Variants in ATRNL1 observed in about 807,000 individuals in gnomAD.
ATRNL1 encodes the protein attractin-like protein 1.
Under a neutral mutation model 182.7 loss-of-function variants are expected in ATRNL1, and 95 were observed. The ratio of observed to expected loss-of-function variants is 0.52; its 90% CI spans 0.44 to 0.62. ATRNL1 has a LOEUF of 0.62. Ranked by LOEUF, ATRNL1 falls within the 20% of genes least tolerant of loss-of-function variation. The pLI is 0.00. For missense variants in ATRNL1, 1,471 were observed against 1,679.5 expected (o/e 0.88, Z 2.17); for synonymous variants, 576 against 568.3 (o/e 1.01, Z -0.19).
rs140388664 is a variant in ATRNL1 at position 115,230,679 on chromosome 10, G to A, written c.1533-10892G>A. Among the ~76,000 whole-genome samples the A allele has an allele frequency of 5.3e-3, 806 of 152,194 alleles. 3 individuals carry two copies. The highest frequency in any genetic ancestry group is 0.028 in the South Asian group (134 of 4,808). On this transcript the variant is annotated intron_variant, in intron 9 of 28. Coordinates refer to ENST00000355044, the MANE Select transcript of ATRNL1 (RefSeq NM_207303.4). ...CTTAGATTTTTACAGGAGCGGTGTT[G>A]TAATTACGATGCAAGAGCAGAAGCA... is the stretch of plus-strand genomic sequence containing the variant.
At chr10:115,293,415 A>G (rs551353193) in intron 15 of ATRNL1, among the ~76,000 whole-genome samples, 1 of 152,150 alleles carries the variant, frequency 6.6e-6, no homozygotes, top group East Asian at 1.9e-4. Context: ...GTTTTCATAC[A>G]TCTTTTCTTC....
At position 115,635,111 on chromosome 10, in the gene ATRNL1, CATT is replaced by C. The variant is rs564399953; in HGVS notation, c.3795+85577_3795+85579del. On this transcript the variant is annotated intron_variant, in intron 26 of 28. Coordinates refer to ENST00000355044, the MANE Select transcript of ATRNL1 (RefSeq NM_207303.4). ...GTTTTCTAAATGAGACTTTTCAAAT[CATT>C]AATCATAAAAGAATAAAACTAATAA... Among the ~76,000 whole-genome samples, 19 of 152,098 alleles carry C rather than the reference CATT, an allele frequency of 1.2e-4. No homozygotes were observed. The East Asian group carries it at 3.7e-3, about 29-fold the overall frequency.
At chr10:115,726,089 A>G (rs1435803565) in intron 26 of ATRNL1, among the ~76,000 whole-genome samples, 1 of 152,102 alleles carries the variant, frequency 6.6e-6, no homozygotes, top group Non-Finnish European at 1.5e-5. Flanking sequence ...TTTAAATAAT[A>G]AACTGTCATG....
At position 115,357,834 on chromosome 10, in the gene ATRNL1, T is replaced by A. The variant is rs1856567776; in HGVS notation, c.3175+23415T>A. Among the ~76,000 whole-genome samples, 7 of 151,860 alleles carry A rather than the reference T, an allele frequency of 4.6e-5. No individual in the cohort carries two copies. The South Asian group carries it at 1.4e-3, about 31-fold the overall frequency. ...CTGCTGAACATTTCCAAAGTCCCAC[T>A]ACTATACAAATTAATTAGTTAAGAA... On this transcript the variant is annotated intron_variant, in intron 19 of 28. Coordinates refer to ENST00000355044, the MANE Select transcript of ATRNL1 (RefSeq NM_207303.4).
chr10:115,294,570 T>G (rs1431547549), intron 15 of ATRNL1, among the ~76,000 whole-genome samples: 1 of 152,250 alleles, frequency 6.6e-6, no homozygotes, highest in Non-Finnish European at 1.5e-5. Context: ...TGAATTTTCT[T>G]TCTGATATTT....
chr10:115,346,806 A>G (rs78879077), intron 19 of ATRNL1, among the ~76,000 whole-genome samples: 1,796 of 152,082 alleles, frequency 0.012, 30 homozygotes, highest in African/African-American at 0.041. Flanking sequence ...TATGATTTGT[A>G]TTTTCCACCA....
intron 27 of ATRNL1, among the ~76,000 whole-genome samples, chr10:115,815,415 A>ATGTG (rs367551845): frequency 0.39 from 55,760 of 142,698 alleles, 10,909 homozygotes; most frequent in Non-Finnish European, 0.42. Flanking sequence ...GTGTGTGTGT[A>ATGTG]TGTGTGTGTG....
At chr10:115,691,786 T>A (rs1265320569) in intron 26 of ATRNL1, among the ~76,000 whole-genome samples, 1 of 152,202 alleles carries the variant, frequency 6.6e-6, no homozygotes, top group Admixed American at 6.5e-5. Context: ...AAATTTTGGG[T>A]TTTTTTCTTA....
intron 19 of ATRNL1, among the ~76,000 whole-genome samples, chr10:115,344,240 G>C (rs1241042169): frequency 6.6e-6 from 1 of 152,168 alleles, no homozygotes; most frequent in Admixed American, 6.5e-5. Context: ...CAGGCCCCTG[G>C]TGGGTCCAGA....
intron 27 of ATRNL1, among the ~76,000 whole-genome samples, chr10:115,839,234 A>G (rs75865208): frequency 0.046 from 6,998 of 152,220 alleles, 208 homozygotes; most frequent in Middle Eastern, 0.082. Flanking sequence ...CAAGTTTCTA[A>G]TAGAGAGAGG....
chr10:115,180,925 C>T (rs1391388121), intron 8 of ATRNL1, among the ~76,000 whole-genome samples: 1 of 151,884 alleles, frequency 6.6e-6, no homozygotes, highest in Admixed American at 6.6e-5. Context: ...TCTGTTGACT[C>T]TGTTGTCACT....
At chr10:115,478,132 G>A (rs1162857614) in intron 24 of ATRNL1, among the ~76,000 whole-genome samples, 1 of 151,614 alleles carries the variant, frequency 6.6e-6, no homozygotes, top group African/African-American at 2.4e-5. Context: ...TGATAATATT[G>A]CCTACCTTTA....
chr10:115,603,271 G>A (rs1386393979), intron 26 of ATRNL1, among the ~76,000 whole-genome samples: 1 of 152,110 alleles, frequency 6.6e-6, no homozygotes, highest in Non-Finnish European at 1.5e-5. Context: ...CCCTCCTGAA[G>A]TTATCCAAAA....
At chr10:115,917,486 G>GA (rs11402332) in intron 28 of ATRNL1, among the ~76,000 whole-genome samples, 126,213 of 131,276 alleles carry the variant, frequency 0.96, 60,777 homozygotes, top group Non-Finnish European at 0.99. Context: ...AAAAAAAAAA[G>GA]AAAAAAAAAA....
At chr10:115,130,977 T>C (rs1281051147) in intron 5 of ATRNL1, among the ~76,000 whole-genome samples, 5 of 152,158 alleles carry the variant, frequency 3.3e-5, no homozygotes, top group African/African-American at 4.8e-5. Context: ...AGTCCTTCTT[T>C]GAAATGCTTT....
chr10:115,502,424 T>A (rs147723407), intron 24 of ATRNL1, among the ~76,000 whole-genome samples: 1,676 of 152,270 alleles, frequency 0.011, 8 homozygotes, highest in Non-Finnish European at 0.017. Context: ...AGTTATTCAT[T>A]CAACCAAAGT....
chr10:115,652,373 A>G (rs187771506), intron 26 of ATRNL1, among the ~76,000 whole-genome samples: 74 of 152,190 alleles, frequency 4.9e-4, no homozygotes, highest in African/African-American at 1.5e-3. Context: ...ATTCAATGTG[A>G]GTTAAAAGCC....
intron 25 of ATRNL1, among the ~76,000 whole-genome samples, chr10:115,528,069 CCTTT>C (rs879987590): frequency 0.074 from 2,162 of 29,186 alleles, 97 homozygotes; most frequent in Non-Finnish European, 0.18. Context: ...TTCCTTCCTT[CCTTT>C]CCCTTCTCAT....
chr10:115,727,793 G>A (rs1407557330), intron 27 of ATRNL1, among the ~76,000 whole-genome samples: 1 of 152,092 alleles, frequency 6.6e-6, no homozygotes, highest in African/African-American at 2.4e-5. Context: ...TTTGAATGTT[G>A]AAAAGTGAAT....
Sources: allele counts gnomAD v4.1 joint callset (sites outside exome capture counted in the v4.1 genomes callset), GRCh38; gene constraint gnomAD v4.1.1; transcripts MANE v1.5; gene names NCBI Gene and HGNC (gene_info 2026-07-23, HGNC 2026-07-21).